The following TMEM117 variants were observed in gnomAD, a reference collection of about 807,000 sequenced individuals.
The protein encoded by TMEM117 is transmembrane protein 117.
In TMEM117, 27 loss-of-function variants were observed where a neutral mutation model predicts 52.4. That is an observed-to-expected ratio of 0.51 (90% confidence interval 0.38 to 0.71). TMEM117 has a LOEUF of 0.71. Ranked by LOEUF, TMEM117 falls within the 30% of genes least tolerant of loss-of-function variation. The probability of loss-of-function intolerance (pLI) is 0.00; values close to 1 mark genes in which losing one functional copy is unlikely to be tolerated. For missense variants in TMEM117, 556 were observed against 630.5 expected, an observed-to-expected ratio of 0.88 and a Z score of 1.26; for synonymous variants, 215 against 206.3, an observed-to-expected ratio of 1.04 and a Z score of -0.36.
chr12:44,391,128 G>A (rs940521360), downstream of TMEM117, among the ~76,000 whole-genome samples: 1 of 152,108 alleles, frequency 6.6e-6, no homozygotes, highest in African/African-American at 2.4e-5. Context: ...CTACTGTTCA[G>A]TAATTACAGT....
At chr12:44,278,765 G>A (rs1950544556) in intron 5 of TMEM117, among the ~76,000 whole-genome samples, 1 of 152,096 alleles carries the variant, frequency 6.6e-6, no homozygotes, top group Non-Finnish European at 1.5e-5. Context: ...ATTTTGCTTG[G>A]ATAAGCATGG....
chr12:44,378,251 A>T (rs1644981613), intron 7 of TMEM117, among the ~76,000 whole-genome samples: 1 of 152,194 alleles, frequency 6.6e-6, no homozygotes, highest in Non-Finnish European at 1.5e-5. Flanking sequence ...AAAGGAAAAA[A>T]AAATGGAGAG....
chr12:43,938,928 C>T lies in TMEM117; in HGVS notation c.278-5282C>T, dbSNP rs532428968. Among the ~76,000 whole-genome samples, 386 of 151,148 alleles carry T rather than the reference C, an allele frequency of 2.6e-3. 2 individuals are homozygous for T. The highest frequency in any genetic ancestry group is 8.6e-3 in the African/African-American group (354 of 41,106). ...GGCGGGAGAATCACTTGAGCCCAGGCGGTGGAGGTTGCAGTGAGCCGAGAT... is the reference window on the plus strand; with the variant it reads ...GGCGGGAGAATCACTTGAGCCCAGGTGGTGGAGGTTGCAGTGAGCCGAGAT... On this transcript the variant is annotated intron_variant, in intron 2 of 7. Coordinates refer to ENST00000266534, the MANE Select transcript of TMEM117 (RefSeq NM_032256.3).
chr12:43,852,118 G>A (rs1040763103), intron 2 of TMEM117, among the ~76,000 whole-genome samples: 1 of 150,800 alleles, frequency 6.6e-6, no homozygotes, highest in African/African-American at 2.4e-5. Flanking sequence ...CCAACATGGT[G>A]AAACCCTGTC....
rs139528687 is a variant in TMEM117 at position 43,965,811 on chromosome 12, G to A, written c.410+21469G>A. Among the ~76,000 whole-genome samples, 191 of 152,222 alleles carry A rather than the reference G, an allele frequency of 1.3e-3. No individual in the cohort carries two copies. In the East Asian group the frequency reaches 0.019, roughly 16 times the overall value. ...GTGCGGGTTTGTTACATGGTATTGC[G>A]TGACACTGAGGTTTCGGGTATGATT... On this transcript the variant is annotated intron_variant, in intron 3 of 7. Transcript: ENST00000266534.
chr12:44,242,319 G>T (rs979770472), intron 5 of TMEM117, among the ~76,000 whole-genome samples: 1 of 151,558 alleles, frequency 6.6e-6, no homozygotes, highest in Non-Finnish European at 1.5e-5. Flanking sequence ...AGACCCCAGT[G>T]TCTTGTTCCC....
At chr12:44,009,086 A>G (rs913766434) in intron 3 of TMEM117, 2 of 360,682 alleles carry the variant, frequency 5.5e-6, no homozygotes, top group South Asian at 2.3e-5. Flanking sequence ...GGTGTTTCCC[A>G]TGAAGACACA....
At chr12:43,892,786 A>G (rs1361583033) in intron 2 of TMEM117, among the ~76,000 whole-genome samples, 1 of 152,258 alleles carries the variant, frequency 6.6e-6, no homozygotes, top group African/African-American at 2.4e-5. Flanking sequence ...AAGATAGACT[A>G]TAAAGAGATA....
At chr12:43,888,784 G>A (rs540819319) in intron 2 of TMEM117, among the ~76,000 whole-genome samples, 2 of 152,044 alleles carry the variant, frequency 1.3e-5, no homozygotes, top group Non-Finnish European at 2.9e-5. Context: ...TCCTGACCTC[G>A]TGATCCGCCC....
chr12:44,224,336 C>A (rs533467774), intron 5 of TMEM117, among the ~76,000 whole-genome samples: 27 of 152,110 alleles, frequency 1.8e-4, no homozygotes, highest in South Asian at 4.1e-4. Flanking sequence ...GCCCAAGAAC[C>A]CAAAATATAC....
the TMEM117 span, among the ~76,000 whole-genome samples, chr12:43,814,844 A>C: frequency 1.3e-5 from 2 of 150,172 alleles, no homozygotes; most frequent in Non-Finnish European, 2.9e-5. Flanking sequence ...TCCCAGGTTC[A>C]AGCGATTCTC....
chr12:44,204,124 A>T (rs181349727), intron 4 of TMEM117, among the ~76,000 whole-genome samples: 4 of 152,286 alleles, frequency 2.6e-5, no homozygotes, highest in Admixed American at 2.0e-4. Context: ...AAATAGGAAG[A>T]GAGGAAGCCA....
At chr12:43,991,373 A>G (rs1945936055) in intron 3 of TMEM117, among the ~76,000 whole-genome samples, 2 of 152,148 alleles carry the variant, frequency 1.3e-5, no homozygotes, top group Admixed American at 1.3e-4. Flanking sequence ...GAGATAAGAA[A>G]TTGTCCAAGA....
At chr12:44,224,256 A>C (rs948640646) in intron 5 of TMEM117, among the ~76,000 whole-genome samples, 1 of 152,188 alleles carries the variant, frequency 6.6e-6, no homozygotes, top group African/African-American at 2.4e-5. Context: ...GTATTAGCCC[A>C]TGCAAGACCA....
At chr12:43,954,778 T>G (rs1170046752) in intron 3 of TMEM117, among the ~76,000 whole-genome samples, 1 of 152,192 alleles carries the variant, frequency 6.6e-6, no homozygotes, top group Non-Finnish European at 1.5e-5. Context: ...CATAACTCAC[T>G]TTATGAGGCC....
the TMEM117 span, chr12:43,800,403 C>A: frequency 6.5e-7 from 1 of 1,528,468 alleles, no homozygotes; most frequent in East Asian, 2.3e-5. Flanking sequence ...ATTTTAATTG[C>A]AACATATAGA....
chr12:44,335,053 G>T (rs17094465), intron 6 of TMEM117, among the ~76,000 whole-genome samples: 4,221 of 152,088 alleles, frequency 0.028, 98 homozygotes, highest in African/African-American at 0.055. Context: ...GACTGGAAGA[G>T]AATTCACTAA....
chr12:43,952,527 G>T (rs1475400069), intron 3 of TMEM117, among the ~76,000 whole-genome samples: 3 of 151,952 alleles, frequency 2.0e-5, no homozygotes, highest in African/African-American at 7.3e-5. Flanking sequence ...TGACCAAGCA[G>T]AAGAGAGAAT....
intron 3 of TMEM117, among the ~76,000 whole-genome samples, chr12:44,142,689 TAA>T (rs1050258346): frequency 3.3e-5 from 5 of 152,018 alleles, no homozygotes; most frequent in South Asian, 2.1e-4. Flanking sequence ...AACAAAAACT[TAA>T]GAGTAAAATA....
Sources: allele counts gnomAD v4.1 joint callset (sites outside exome capture counted in the v4.1 genomes callset), GRCh38; gene constraint gnomAD v4.1.1; transcripts MANE v1.5; gene names NCBI Gene and HGNC (gene_info 2026-07-23, HGNC 2026-07-21).